The following DYNC2I1 variants were observed in gnomAD, a reference collection of about 807,000 sequenced individuals.
DYNC2I1 encodes the protein dynein 2 intermediate chain 1.
In DYNC2I1, 89 loss-of-function variants were observed where a neutral mutation model predicts 133.4. The observed-to-expected ratio is 0.67, with a 90% CI of 0.56 to 0.80. The LOEUF (loss-of-function observed/expected upper bound fraction) is 0.80, where lower values mean the gene tolerates loss of function less well. DYNC2I1 is among the 30% of genes least tolerant of loss of function. DYNC2I1 has a pLI of 0.00. For missense variants in DYNC2I1, 1,291 were observed against 1,314.5 expected (o/e 0.98, Z 0.28); for synonymous variants, 504 against 484.3 (o/e 1.04, Z -0.54).
intron 6 of DYNC2I1, 50 bp downstream of exon 6, chr7:158,884,669 G>A (rs776177374): frequency 2.5e-6 from 4 of 1,592,818 alleles, no homozygotes; most frequent in South Asian, 1.1e-5. Flanking sequence ...CGCTCTCATG[G>A]AATGCTTCAG....
chr7:158,934,060 G>A, intron 21 of DYNC2I1, 69 bp from the exon 22 acceptor site: 2 of 1,113,238 alleles, frequency 1.8e-6, no homozygotes, highest in South Asian at 2.7e-5. Context: ...GCAAATCAGT[G>A]TTAATACCAT....
chr7:158,917,736 A>T (rs969567532), intron 14 of DYNC2I1, among the ~76,000 whole-genome samples: 1 of 150,262 alleles, frequency 6.7e-6, no homozygotes, highest in Non-Finnish European at 1.5e-5. Context: ...TCTGCCTCTC[A>T]CTAAACACTC....
intron 3 of DYNC2I1, among the ~76,000 whole-genome samples, chr7:158,873,924 T>G (rs1383853436): frequency 6.6e-6 from 1 of 152,036 alleles, no homozygotes; most frequent in African/African-American, 2.4e-5. Context: ...ACCTGGCTAA[T>G]TTTTTGTATT....
At position 158,927,247 on chromosome 7, in the gene DYNC2I1, T is replaced by G. The variant is rs1585200474; in HGVS notation, c.2485+204T>G. On this transcript the variant is annotated intron_variant, in intron 20 of 24. Coordinates refer to ENST00000407559, the MANE Select transcript of DYNC2I1 (RefSeq NM_018051.5). Reference sequence around the variant, plus strand: ...CAAGACCCCGTCTCTACAAAAAAATTCAAAAATTGGCTGGGCGTGGTGGCA... The same window carrying G: ...CAAGACCCCGTCTCTACAAAAAAATGCAAAAATTGGCTGGGCGTGGTGGCA... Among the ~76,000 whole-genome samples, 4 of 151,272 alleles carry G rather than the reference T, an allele frequency of 2.6e-5. No homozygotes were observed. In the South Asian group the frequency reaches 8.4e-4, roughly 32 times the overall value.
At chr7:158,925,405 C>T (rs960742673) in intron 17 of DYNC2I1, among the ~76,000 whole-genome samples, 4 of 151,968 alleles carry the variant, frequency 2.6e-5, no homozygotes, top group Non-Finnish European at 5.9e-5. Flanking sequence ...TTCCAGATGC[C>T]CTTTGAGGAG....
chr7:158,895,497 A>G (rs879270860), intron 8 of DYNC2I1, among the ~76,000 whole-genome samples: 10 of 152,020 alleles, frequency 6.6e-5, no homozygotes, highest in Admixed American at 6.6e-4. Flanking sequence ...GCATTCATCT[A>G]TTTGTCCACT....
intron 14 of DYNC2I1, among the ~76,000 whole-genome samples, chr7:158,916,004 C>G (rs71546428): frequency 7.0e-4 from 38 of 54,040 alleles, no homozygotes; most frequent in East Asian, 2.3e-3. Flanking sequence ...CGCTGGTTGA[C>G]ATTAAGGATG....
At chr7:158,863,220 A>G (rs1417381150) in intron 1 of DYNC2I1, among the ~76,000 whole-genome samples, 1 of 151,896 alleles carries the variant, frequency 6.6e-6, no homozygotes, top group African/African-American at 2.4e-5. Context: ...TGATTAGTGC[A>G]TTTTTACAGA....
chr7:158,955,097 A>C (rs1852165872), intron 4 of DYNC2I1, among the ~76,000 whole-genome samples: 1 of 152,240 alleles, frequency 6.6e-6, no homozygotes, highest in African/African-American at 2.4e-5. Context: ...AATATAAATC[A>C]CTGAGGATAC....
At position 158,887,252 on chromosome 7, in the gene DYNC2I1, AATTG is replaced by A. The variant is rs10540414; in HGVS notation, c.990+183_990+186del. Among the ~76,000 whole-genome samples the A allele has an allele frequency of 0.17, 26,203 of 152,024 alleles. 2,808 individuals carry two copies. Among genetic ancestry groups the A allele is most frequent in the East Asian group, 0.48 (2,488 of 5,148 alleles). ...GACTCACTTTAGGTTAGAAGATGCA[AATTG>A]ATTGAAAGTAAAAAGGTGGACAAAG... On this transcript the variant is annotated intron_variant, in intron 7 of 24. Transcript: ENST00000407559.
chr7:158,869,041 C>T (rs1027146962), intron 1 of DYNC2I1, among the ~76,000 whole-genome samples: 1 of 152,232 alleles, frequency 6.6e-6, no homozygotes, highest in Non-Finnish European at 1.5e-5. Flanking sequence ...GGAGAGCTCA[C>T]AGCAGCAGGC....
chr7:158,849,209 A>C, the DYNC2I1 span, among the ~76,000 whole-genome samples: 1 of 152,234 alleles, frequency 6.6e-6, no homozygotes, highest in Admixed American at 6.5e-5. Context: ...TGGGAACATA[A>C]ACATGTACAG....
chr7:158,866,320 A>G (rs1178907881), intron 1 of DYNC2I1, among the ~76,000 whole-genome samples: 1 of 143,742 alleles, frequency 7.0e-6, no homozygotes. Context: ...TGTCCTGGGC[A>G]TCCCTTCTTT....
chr7:158,947,216 T>C (rs1317099873), downstream of DYNC2I1, among the ~76,000 whole-genome samples: 1 of 152,058 alleles, frequency 6.6e-6, no homozygotes, highest in African/African-American at 2.4e-5. Flanking sequence ...GCACGCGGCC[T>C]CTCTCTGCAT....
At chr7:158,955,337 C>A (rs1419669397) in intron 4 of DYNC2I1, among the ~76,000 whole-genome samples, 4 of 152,216 alleles carry the variant, frequency 2.6e-5, no homozygotes, top group Non-Finnish European at 5.9e-5. Context: ...GACCCTGCCG[C>A]ACCTCTGCCA....
At chr7:158,950,858 G>A (rs974809897), downstream of DYNC2I1, among the ~76,000 whole-genome samples, 3 of 148,664 alleles carry the variant, frequency 2.0e-5, no homozygotes, top group African/African-American at 4.9e-5. Context: ...ATGATTCCAG[G>A]TGTGATATAC....
the DYNC2I1 span, among the ~76,000 whole-genome samples, chr7:158,841,141 T>C: frequency 7.9e-6 from 1 of 127,260 alleles, no homozygotes; most frequent in African/African-American, 3.1e-5. Context: ...CCATGTACCA[T>C]AGATTGTAGG....
At chr7:158,905,209 C>A (rs536386446) in intron 10 of DYNC2I1, 2 of 374,358 alleles carry the variant, frequency 5.3e-6, no homozygotes, top group Non-Finnish European at 1.0e-5. Flanking sequence ...GGCATGATCT[C>A]GGCTCACTGC....
intron 15 of DYNC2I1, among the ~76,000 whole-genome samples, chr7:158,920,193 G>A (rs1365466475): frequency 3.4e-5 from 5 of 147,206 alleles, no homozygotes; most frequent in Admixed American, 6.8e-5. Flanking sequence ...GGCCTCCGTC[G>A]GGGAACACGT....
Sources: gnomAD v4.1 joint callset for allele counts (sites outside exome capture counted in the v4.1 genomes callset) on GRCh38, gnomAD v4.1.1 for gene constraint, MANE v1.5 for transcripts, NCBI Gene and HGNC (gene_info 2026-07-23, HGNC 2026-07-21) for gene names.